Variants in HMGB1 observed in about 807,000 individuals in gnomAD.
The protein encoded by HMGB1 is high mobility group box 1.
For missense variants in HMGB1, 79 were observed against 253.5 expected (o/e 0.31, Z 4.67); for synonymous variants, 81 against 84.0 (o/e 0.96, Z 0.19).
chr13:30,525,854 T>TGC (rs113245105), intron 1 of HMGB1, among the ~76,000 whole-genome samples: 23 of 149,180 alleles, frequency 1.5e-4, no homozygotes, highest in Middle Eastern at 3.4e-3. Flanking sequence ...AAGATGAGAT[T>TGC]GTGGGGGGAC....
intron 1 of HMGB1, among the ~76,000 whole-genome samples, chr13:30,608,183 C>T (rs1284840867): frequency 6.6e-6 from 1 of 152,074 alleles, no homozygotes; most frequent in Non-Finnish European, 1.5e-5. Context: ...TAAGAGGCTC[C>T]GAACTGGAGC....
At position 30,563,843 on chromosome 13, in the gene HMGB1, T is replaced by TAA. The variant is rs1036923797; in HGVS notation, c.-15+52826_-15+52827dup. Among the ~76,000 whole-genome samples, 101 of 152,336 alleles carry TAA rather than the reference T, an allele frequency of 6.6e-4. 1 individual carries two copies. The highest frequency in any genetic ancestry group is 2.3e-3 in the African/African-American group (96 of 41,576). On this transcript the variant is annotated intron_variant, in intron 1 of 4. Coordinates refer to the HMGB1 transcript ENST00000405805. Reference sequence around the variant, plus strand: ...CCTCATTGCTAATGAAGATGTGGTTTAAGGATTTTATGCACCCAGTTCATT... The same window carrying TAA: ...CCTCATTGCTAATGAAGATGTGGTTTAAAAGGATTTTATGCACCCAGTTCATT...
intron 1 of HMGB1, among the ~76,000 whole-genome samples, chr13:30,474,594 A>T (rs984038538): frequency 6.6e-6 from 1 of 152,088 alleles, no homozygotes; most frequent in Non-Finnish European, 1.5e-5. Flanking sequence ...TCATTCGGTC[A>T]AAGCGGTGTT....
intron 1 of HMGB1, 69 bp downstream of exon 1, chr13:30,465,727 T>A: frequency 1.1e-6 from 1 of 882,900 alleles, no homozygotes. Context: ...GCCGCGGGGA[T>A]CCGGCCGCCG....
intron 4 of HMGB1, among the ~76,000 whole-genome samples, chr13:30,462,027 T>C (rs1273587007): frequency 2.0e-5 from 3 of 152,218 alleles, no homozygotes; most frequent in Non-Finnish European, 4.4e-5. Context: ...GAAAATTAAG[T>C]ATTTAATATT....
rs564731537 is a variant in HMGB1, at chr13:30,535,716, C to T, written c.-14-72022G>A. Among the ~76,000 whole-genome samples the T allele has an allele frequency of 5.3e-5, 8 of 152,302 alleles. No individual in the cohort carries two copies. In the South Asian group the frequency reaches 1.7e-3, roughly 32 times the overall value. ...ACCAGCCTGGCCAACATGGCGAAAC[C>T]ACATCTCTACTAAAAATACAAAAAT... On this transcript the variant is annotated intron_variant, in intron 1 of 4. Transcript: ENST00000405805.
chr13:30,564,847 C>T (rs1191642006), intron 1 of HMGB1, among the ~76,000 whole-genome samples: 1 of 152,210 alleles, frequency 6.6e-6, no homozygotes, highest in East Asian at 1.9e-4. Context: ...AATTCTAAAA[C>T]TCAACATAGA....
chr13:30,461,231 T>C lies in HMGB1; in HGVS notation c.*126A>G. The stretch of plus-strand genomic sequence containing the variant: ...GTGTTAACTATACAAAAAAAGACAC[T>C]GTACAGTTTAAAAACAAATCTTACA... On this transcript the variant is annotated 3_prime_UTR_variant, in exon 5 of 5. Transcript: ENST00000341423. 1.5e-6 allele frequency: 2 copies of C among 1,361,120 alleles called. No individual in the cohort carries two copies. Among genetic ancestry groups the C allele is most frequent in the Non-Finnish European group, 9.9e-7 (1 of 1,012,158 alleles). The allele number at this position is 1,361,120 out of a possible 1,614,324, so 84.3% of individuals were successfully genotyped here.
In HMGB1 at chr13:30,525,718, T is replaced by TAA. The variant is rs61016729; in HGVS notation, c.-14-62026_-14-62025dup. On this transcript the variant is annotated intron_variant, in intron 1 of 4. Transcript: ENST00000405805. ...AAAATATTAAACTCCATTATTAACA[T>TAA]AAAAAAAAAAACCATCAGGTCTCAC... 3.4e-3 allele frequency among the ~76,000 whole-genome samples: 518 copies of TAA among 150,510 alleles called. 4 individuals carry two copies. Among genetic ancestry groups the TAA allele is most frequent in the African/African-American group, 0.012 (493 of 40,800 alleles).
rs568704975 is a variant in HMGB1, at chr13:30,476,219, A to G, written c.-14-12525T>C. On this transcript the variant is annotated intron_variant, in intron 1 of 4. Transcript: ENST00000405805. The stretch of plus-strand genomic sequence containing the variant: ...TACTCTTTTGCCCAGGCTGGAGTGC[A>G]GCCTCATTGCGACCTCAGCCTCTCA... Among the ~76,000 whole-genome samples the G allele has an allele frequency of 3.4e-5, 5 of 148,794 alleles. No homozygotes were observed. In the East Asian group the frequency reaches 1.0e-3, roughly 30 times the overall value.
Position 30,608,938 on chromosome 13 carries a change from T to C in HMGB1, c.-15+7733A>G, listed in dbSNP as rs1223580720. On this transcript the variant is annotated intron_variant, in intron 1 of 4. Coordinates refer to the HMGB1 transcript ENST00000405805. ...TATTTGAGGTTTAAACTAAAACACC[T>C]GGTTTTAAACAGAAACTATAAAAAA... is the stretch of plus-strand genomic sequence containing the variant. Among the ~76,000 whole-genome samples the C allele has an allele frequency of 7.9e-5, 12 of 152,320 alleles. No individual in the cohort carries two copies. In the South Asian group the frequency reaches 2.5e-3, roughly 32 times the overall value.
intron 1 of HMGB1, among the ~76,000 whole-genome samples, chr13:30,551,900 G>C (rs901686385): frequency 6.6e-6 from 1 of 152,076 alleles, no homozygotes; most frequent in African/African-American, 2.4e-5. Flanking sequence ...GTAGAGACGG[G>C]GTCTTGCTCT....
intron 1 of HMGB1, among the ~76,000 whole-genome samples, chr13:30,493,363 G>C (rs1887541423): frequency 6.6e-6 from 1 of 152,192 alleles, no homozygotes; most frequent in African/African-American, 2.4e-5. Context: ...TTCATTTATA[G>C]AAAATGCAAA....
chr13:30,599,841 A>G (rs1235886018), intron 1 of HMGB1, among the ~76,000 whole-genome samples: 3 of 152,146 alleles, frequency 2.0e-5, no homozygotes, highest in African/African-American at 7.2e-5. Context: ...CAACCTATGA[A>G]TTGGGGGTGG....
intron 1 of HMGB1, among the ~76,000 whole-genome samples, chr13:30,558,651 C>T (rs9579602): frequency 0.3 from 45,681 of 152,002 alleles, 7,601 homozygotes; most frequent in Middle Eastern, 0.46. Context: ...TGAAACCTTC[C>T]TTTTTCCAAA....
intron 1 of HMGB1, among the ~76,000 whole-genome samples, chr13:30,609,256 T>A (rs888838626): frequency 3.3e-5 from 5 of 152,072 alleles, no homozygotes; most frequent in Non-Finnish European, 5.9e-5. Flanking sequence ...CCAGACTCCG[T>A]CTCAAAAAAA....
intron 1 of HMGB1, among the ~76,000 whole-genome samples, chr13:30,575,468 A>G (rs1870611710): frequency 6.6e-6 from 1 of 152,196 alleles, no homozygotes. Context: ...AGTGCTCAAC[A>G]TCGTGGTTCA....
At chr13:30,501,994 A>C (rs1413378383) in intron 1 of HMGB1, among the ~76,000 whole-genome samples, 2 of 152,256 alleles carry the variant, frequency 1.3e-5, no homozygotes, top group Admixed American at 1.3e-4. Flanking sequence ...AACTCCTTTC[A>C]TAGCCAAATT....
At chr13:30,470,084 AT>A (rs888573937), upstream of HMGB1, among the ~76,000 whole-genome samples, 73 of 142,442 alleles carry the variant, frequency 5.1e-4, no homozygotes, top group African/African-American at 6.9e-4. Flanking sequence ...GGTGCTGGCT[AT>A]TTTTTTTTTT....
Sources: gnomAD v4.1 joint callset for allele counts (sites outside exome capture counted in the v4.1 genomes callset) on GRCh38, gnomAD v4.1.1 for gene constraint, MANE v1.5 for transcripts, NCBI Gene and HGNC (gene_info 2026-07-23, HGNC 2026-07-21) for gene names.